Variants in FHDC1 observed in about 807,000 individuals in gnomAD.
The protein encoded by FHDC1 is FH2 domain containing 1, also known as FH2 domain-containing protein 1.
A neutral mutation model predicts 52.6 loss-of-function variants in FHDC1; 25 were observed. The ratio of observed to expected loss-of-function variants is 0.48; its 90% CI spans 0.35 to 0.66. The LOEUF is 0.66. Ranked by LOEUF, FHDC1 falls within the 30% of genes least tolerant of loss-of-function variation. FHDC1 has a pLI of 0.01. For synonymous variants in FHDC1, 616 were observed against 581.5 expected (o/e 1.06, Z -0.85); for missense variants, 1,459 against 1,452.8 (o/e 1.00, Z -0.07).
the FHDC1 span, among the ~76,000 whole-genome samples, chr4:152,924,448 G>A: frequency 1.3e-5 from 2 of 152,214 alleles, no homozygotes; most frequent in Non-Finnish European, 2.9e-5. Flanking sequence ...GGAAGTCAGT[G>A]TGGCGATTCC....
At position 152,976,196 on chromosome 4, in the gene FHDC1, C is replaced by T; in HGVS notation, c.2905C>T (p.Pro969Ser). The T allele has an allele frequency of 6.2e-7, 1 of 1,612,752 alleles. No homozygotes were observed. Among genetic ancestry groups the T allele is most frequent in the Non-Finnish European group, 8.5e-7 (1 of 1,179,798 alleles). The change falls in exon 12 of 12, where the codon CCG becomes TCG. Residue 969 changes from proline to serine, a missense_variant. Pro to Ser is a moderately conservative substitution (Grantham distance 74, BLOSUM62 -1). This residue lies in a region of FHDC1 where 939 missense variants were observed against 854.5 expected (regional missense o/e 1.10). Coordinates refer to ENST00000511601, the MANE Select transcript of FHDC1 (RefSeq NM_001371116.1). ...RGSSGSSSTR[P>S]GRDVPLQPRG... ...GAGCAGCGGCTCCAGCAGCACCCGT[C>T]CGGGGAGGGACGTTCCCCTGCAGCC...
intron 3 of FHDC1, among the ~76,000 whole-genome samples, chr4:152,953,787 G>A (rs904739373): frequency 2.6e-5 from 4 of 152,260 alleles, no homozygotes; most frequent in Non-Finnish European, 5.9e-5. Context: ...ATCCATTCAA[G>A]CCTGTCCCAT....
the FHDC1 span, among the ~76,000 whole-genome samples, chr4:152,914,891 CTT>C: frequency 6.9e-6 from 1 of 145,920 alleles, no homozygotes; most frequent in South Asian, 2.2e-4. Context: ...TCTGTAAAAA[CTT>C]TTTTTTTTTT....
chr4:152,955,749 A>AT (rs936360970), intron 4 of FHDC1, among the ~76,000 whole-genome samples: 1 of 152,250 alleles, frequency 6.6e-6, no homozygotes, highest in Non-Finnish European at 1.5e-5. Context: ...AAGTGCTGGG[A>AT]TTACAGGCAT....
chr4:152,947,335 A>G (rs746826126), intron 2 of FHDC1, among the ~76,000 whole-genome samples: 7 of 152,238 alleles, frequency 4.6e-5, no homozygotes, highest in Non-Finnish European at 1.0e-4. Flanking sequence ...TGGTATAATA[A>G]TAATTAAACT....
chr4:152,917,263 T>C, the FHDC1 span, among the ~76,000 whole-genome samples: 1 of 152,236 alleles, frequency 6.6e-6, no homozygotes, highest in African/African-American at 2.4e-5. Context: ...TCTGTACTAC[T>C]ATAGATTTTT....
At chr4:152,937,429 G>T (rs1204172367) in intron 1 of FHDC1, among the ~76,000 whole-genome samples, 6 of 152,070 alleles carry the variant, frequency 3.9e-5, no homozygotes, top group African/African-American at 1.4e-4. Context: ...CTGGCGCCCT[G>T]GGGGGCGTGG....
chr4:152,955,575 C>T (rs1247867492), intron 4 of FHDC1, among the ~76,000 whole-genome samples: 1 of 152,188 alleles, frequency 6.6e-6, no homozygotes, highest in Non-Finnish European at 1.5e-5. Context: ...ACCTCCACCT[C>T]CCGGATTCAA....
intron 4 of FHDC1, among the ~76,000 whole-genome samples, chr4:152,957,924 C>A (rs919451427): frequency 2.0e-5 from 3 of 152,178 alleles, no homozygotes; most frequent in African/African-American, 4.8e-5. Context: ...GGGAACACCC[C>A]CACCACGCCT....
In FHDC1 at chr4:152,943,341, A is replaced by C. The variant is rs1455721800; in HGVS notation, c.284A>C (p.Lys95Thr). The C allele has an allele frequency of 6.2e-7, 1 of 1,613,746 alleles. No homozygotes were observed. The highest frequency in any genetic ancestry group is 8.5e-7 in the Non-Finnish European group (1 of 1,179,926). ...GGCTACAGCCACCTTGGTAAGAAAA[A>C]GCGGATGAGAAGCTTTTTTTGGAAA... Reference protein sequence around the residue: ...MNGYSHLGKKKRMRSFFWKTI... With the variant: ...MNGYSHLGKKTRMRSFFWKTI... Residue 95 changes from lysine (K) to threonine (T), a missense_variant, in exon 2 of 12, where the codon AAG (lysine) becomes ACG (threonine). Coordinates refer to ENST00000511601, the MANE Select transcript of FHDC1 (RefSeq NM_001371116.1).
chr4:152,956,352 A>G (rs1485825738), intron 4 of FHDC1, among the ~76,000 whole-genome samples: 3 of 152,226 alleles, frequency 2.0e-5, no homozygotes, highest in African/African-American at 7.2e-5. Flanking sequence ...TAACTAAATC[A>G]AAGTTAGGCA....
At chr4:152,915,459 G>C in the FHDC1 span, among the ~76,000 whole-genome samples, 1 of 152,256 alleles carries the variant, frequency 6.6e-6, no homozygotes, top group Non-Finnish European at 1.5e-5. Flanking sequence ...ATAAAAATTT[G>C]TTTTTTTGAT....
intron 10 of FHDC1, 55 bp downstream of exon 10, chr4:152,968,152 G>A: frequency 2.3e-6 from 3 of 1,327,144 alleles, no homozygotes; most frequent in Non-Finnish European, 3.2e-6. Context: ...CAGCACCCCG[G>A]GGCTGGTTAA....
At chr4:152,961,436 C>A (rs1256684774) in intron 6 of FHDC1, among the ~76,000 whole-genome samples, 2 of 152,212 alleles carry the variant, frequency 1.3e-5, no homozygotes, top group Admixed American at 6.5e-5. Context: ...TTGAAAAACT[C>A]TTTAAATTCT....
intron 2 of FHDC1, among the ~76,000 whole-genome samples, chr4:152,948,544 C>T (rs565363737): frequency 1.3e-5 from 2 of 152,276 alleles, no homozygotes; most frequent in African/African-American, 4.8e-5. Context: ...ACCTCCACCT[C>T]CTGGTTCAAG....
the FHDC1 span, among the ~76,000 whole-genome samples, chr4:152,924,927 G>A: frequency 5.3e-5 from 8 of 150,482 alleles, no homozygotes; most frequent in African/African-American, 2.0e-4. Context: ...GAGTTAATGG[G>A]TGCAGCACAC....
At chr4:152,962,169 G>C (rs1740299417) in intron 6 of FHDC1, among the ~76,000 whole-genome samples, 1 of 152,052 alleles carries the variant, frequency 6.6e-6, no homozygotes, top group Non-Finnish European at 1.5e-5. Flanking sequence ...CAAAGGATTT[G>C]GTGTTAATAA....
chr4:152,962,940 GGT>G (rs34181980), intron 7 of FHDC1, 56 bp downstream of exon 7: 118,846 of 923,842 alleles, frequency 0.13, 1,639 homozygotes, highest in Middle Eastern at 0.19. Flanking sequence ...TCTATCTAAA[GGT>G]GTGTGTGTGT....
chr4:152,938,145 G>A (rs989017900), intron 1 of FHDC1, among the ~76,000 whole-genome samples: 5 of 151,814 alleles, frequency 3.3e-5, no homozygotes, highest in Non-Finnish European at 7.4e-5. Context: ...AGGAGCAGCC[G>A]GCGCTCCCTT....
Sources: allele counts gnomAD v4.1 joint callset (sites outside exome capture counted in the v4.1 genomes callset), GRCh38; gene constraint gnomAD v4.1.1; regional missense constraint gnomAD v4.1.1; transcripts MANE v1.5; gene names NCBI Gene and HGNC (gene_info 2026-07-23, HGNC 2026-07-21).